PABIR3: variants seen among roughly 807,000 people sequenced by gnomAD.
The protein encoded by PABIR3 is PABIR family member 3.
Under a neutral mutation model 23.1 loss-of-function variants are expected in PABIR3, and 20 were observed. The observed-to-expected ratio is 0.86, with a 90% confidence interval of 0.61 to 1.26. The LOEUF (loss-of-function observed/expected upper bound fraction) is 1.26. Ranked by LOEUF, PABIR3 falls within the 50% of genes most tolerant of loss-of-function variation. The pLI, the probability that PABIR3 is intolerant of heterozygous loss-of-function variation, is 0.00. For synonymous variants in PABIR3, 69 were observed against 68.5 expected (o/e 1.01, Z -0.04); for missense variants, 189 against 195.4 (o/e 0.97, Z 0.20).
intron 3 of PABIR3, among the ~76,000 whole-genome samples, chrX:134,825,308 G>A (rs780851547): frequency 5.2e-4 from 58 of 111,651 alleles, no homozygotes; most frequent in Non-Finnish European, 1.0e-3. Context: ...GTTTGATGAT[G>A]GTAGTAATAA....
intron 4 of PABIR3, among the ~76,000 whole-genome samples, chrX:134,840,111 G>C (rs952911929): frequency 8.9e-6 from 1 of 111,792 alleles, no homozygotes; most frequent in Admixed American, 9.5e-5. Context: ...GGGTTAAATG[G>C]ATTAAGGGCG....
chrX:134,821,090 A>G lies in PABIR3; in HGVS notation c.189+6241A>G, dbSNP rs778007221. On this transcript the variant is annotated intron_variant, in intron 3 of 10. Transcript: ENST00000645433. ...TTATATTATATGTGTGTGTGTGTGT[A>G]TATATATATATATATGGGTGTGTGT... Among the ~76,000 whole-genome samples the G allele has an allele frequency of 7.5e-3, 755 of 100,028 alleles. 6 individuals are homozygous for G. The highest frequency in any genetic ancestry group is 0.019 in the South Asian group (42 of 2,196). 86.9% of individuals were successfully genotyped at this position (100,028 alleles called of 115,157 possible).
upstream of PABIR3, among the ~76,000 whole-genome samples, chrX:134,806,738 T>C (rs1203401678): frequency 9.1e-6 from 1 of 110,161 alleles, no homozygotes; most frequent in African/African-American, 3.3e-5. Context: ...AGCAAGACCC[T>C]TTGGGACCAA....
intron 2 of PABIR3, among the ~76,000 whole-genome samples, chrX:134,814,193 C>T (rs886183564): frequency 9.0e-6 from 1 of 111,055 alleles, no homozygotes; most frequent in East Asian, 2.8e-4. Flanking sequence ...TACAGGTTTA[C>T]ACTGAAAATG....
chrX:134,832,439 T>C (rs1469249419), intron 4 of PABIR3, among the ~76,000 whole-genome samples: 1 of 79,659 alleles, frequency 1.3e-5, no homozygotes, highest in Non-Finnish European at 2.3e-5. Context: ...TCTTGCTCTA[T>C]CACCCAGGCT....
chrX:134,845,658 A>G (rs1232788179), intron 6 of PABIR3, among the ~76,000 whole-genome samples: 1 of 111,877 alleles, frequency 8.9e-6, no homozygotes. Flanking sequence ...AAATGCTAGG[A>G]TTACAGGCTT....
At chrX:134,845,763 A>G (rs1220436899) in intron 6 of PABIR3, among the ~76,000 whole-genome samples, 1 of 112,244 alleles carries the variant, frequency 8.9e-6, no homozygotes, top group Non-Finnish European at 1.9e-5. Flanking sequence ...GGTTCAAAGT[A>G]AACAGTTTTG....
chrX:134,864,677 G>A, the PABIR3 span, among the ~76,000 whole-genome samples: 4 of 112,031 alleles, frequency 3.6e-5, no homozygotes, highest in African/African-American at 1.3e-4. Flanking sequence ...ATATTTCACT[G>A]TATATATGGT....
chrX:134,796,471 G>T, upstream of PABIR3: 3 of 326,096 alleles, frequency 9.2e-6, no homozygotes, highest in South Asian at 6.1e-5. Context: ...GTGACAGAAT[G>T]AAGGAAAAGG....
intron 3 of PABIR3, among the ~76,000 whole-genome samples, chrX:134,818,172 A>T (rs1291300279): frequency 1.8e-5 from 2 of 111,530 alleles, no homozygotes; most frequent in Admixed American, 1.9e-4. Flanking sequence ...AGCTTTGTAC[A>T]TGTTACATTG....
downstream of PABIR3, among the ~76,000 whole-genome samples, chrX:134,855,998 C>T (rs1452617213): frequency 7.2e-5 from 8 of 111,292 alleles, no homozygotes; most frequent in Non-Finnish European, 1.3e-4. Flanking sequence ...TTCACATGTA[C>T]TATTGACACC....
intron 3 of PABIR3, among the ~76,000 whole-genome samples, chrX:134,820,695 A>T (rs944999186): frequency 9.0e-6 from 1 of 111,627 alleles, no homozygotes; most frequent in Non-Finnish European, 1.9e-5. Flanking sequence ...CCACAATTTT[A>T]AAAATTGGTG....
chrX:134,822,078 G>A (rs182388276), intron 3 of PABIR3: 84 of 751,800 alleles, frequency 1.1e-4, no homozygotes, highest in Non-Finnish European at 1.3e-4. Flanking sequence ...CTAACCTCCC[G>A]CTACTTCTAC....
chrX:134,836,328 T>A (rs981582209), intron 4 of PABIR3, among the ~76,000 whole-genome samples: 27 of 112,526 alleles, frequency 2.4e-4, no homozygotes, highest in African/African-American at 8.7e-4. Flanking sequence ...AGTCTGTAGT[T>A]CCCTGTTTCC....
intron 4 of PABIR3, among the ~76,000 whole-genome samples, chrX:134,837,271 G>A (rs971017174): frequency 1.8e-5 from 2 of 110,315 alleles, no homozygotes; most frequent in African/African-American, 3.3e-5. Context: ...GCTTGAACCC[G>A]GGAACCAGAG....
chrX:134,847,569 T>A, intron 7 of PABIR3, 94 bp downstream of exon 7: 1 of 641,165 alleles, frequency 1.6e-6, no homozygotes. Context: ...TTTTGGGGGA[T>A]ATATTTTGTC....
At chrX:134,830,325 CTTTTTTTTT>C (rs766717674) in intron 4 of PABIR3, among the ~76,000 whole-genome samples, 8 of 62,548 alleles carry the variant, frequency 1.3e-4, no homozygotes, top group African/African-American at 5.0e-4. Context: ...GGTTTTTTTC[CTTTTTTTTT>C]TTTTTTTTTT....
upstream of PABIR3, among the ~76,000 whole-genome samples, chrX:134,802,879 A>T (rs1488020139): frequency 8.9e-6 from 1 of 112,702 alleles, no homozygotes; most frequent in Non-Finnish European, 1.9e-5. Context: ...AGTCTCACAG[A>T]ATCGTGGGAC....
chrX:134,816,945 C>T (rs1323403605), intron 3 of PABIR3, among the ~76,000 whole-genome samples: 4 of 111,311 alleles, frequency 3.6e-5, no homozygotes, highest in Admixed American at 9.6e-5. Context: ...GAGGCCAAGG[C>T]GGGAGGATCA....
Sources: allele counts gnomAD v4.1 joint callset (sites outside exome capture counted in the v4.1 genomes callset), GRCh38; gene constraint gnomAD v4.1.1; transcripts MANE v1.5; gene names NCBI Gene and HGNC (gene_info 2026-07-23, HGNC 2026-07-21).